BBX: variants seen among roughly 807,000 people sequenced by gnomAD.
BBX encodes the protein HMG box transcription factor BBX.
A neutral mutation model predicts 100.2 loss-of-function variants in BBX; 30 were observed. The ratio of observed to expected loss-of-function variants is 0.30; its 90% CI spans 0.22 to 0.41. BBX has a LOEUF of 0.41. Ranked by LOEUF, BBX falls within the 10% of genes least tolerant of loss-of-function variation. The pLI is 1.00. For synonymous variants in BBX, 376 were observed against 388.1 expected (o/e 0.97, Z 0.37); for missense variants, 1,023 against 1,129.8 (o/e 0.91, Z 1.35).
At chr3:107,681,267 C>G (rs986058503) in intron 3 of BBX, among the ~76,000 whole-genome samples, 1 of 152,042 alleles carries the variant, frequency 6.6e-6, no homozygotes, top group Non-Finnish European at 1.5e-5. Flanking sequence ...GTAGATGAGT[C>G]TTGTATGTTC....
chr3:107,550,755 G>A (rs931719011), intron 2 of BBX, among the ~76,000 whole-genome samples: 10 of 152,176 alleles, frequency 6.6e-5, no homozygotes, highest in African/African-American at 2.4e-4. Flanking sequence ...TGACATTGGA[G>A]CAGGGTATGG....
In BBX at chr3:107,807,995, T is replaced by C. The variant is rs1018605401; in HGVS notation, c.*2538T>C. On this transcript the variant is annotated 3_prime_UTR_variant, in exon 18 of 18. Transcript: ENST00000325805. ...CTGAGTAAAGTCTTGATTTCAATAATTGTGCTTCTCATGCCCTGAAACTGC... is the reference window on the plus strand; with the variant it reads ...CTGAGTAAAGTCTTGATTTCAATAACTGTGCTTCTCATGCCCTGAAACTGC... 1.3e-5 allele frequency: 2 copies of C among 152,222 alleles called. No homozygotes were observed. The highest frequency in any genetic ancestry group is 2.4e-5 in the African/African-American group (1 of 41,458). 9.4% of individuals were successfully genotyped at this position (152,222 alleles called of 1,614,324 possible).
Position 107,773,507 on chromosome 3 carries a change from G to C in BBX, c.1786G>C (p.Asp596His), listed in dbSNP as rs760157744. 6.2e-7 allele frequency: 1 copy of C among 1,614,122 alleles called. No homozygotes were observed. The highest frequency in any genetic ancestry group is 1.1e-5 in the South Asian group (1 of 91,078). The change falls in exon 11 of 18, where the codon GAC becomes CAC. Residue 596 changes from aspartate to histidine, a missense_variant. Coordinates refer to ENST00000325805, the MANE Select transcript of BBX (RefSeq NM_001142568.3). This position sits in a 1 kb window ranked among gnomAD's most constrained non-coding sequence, Gnocchi z 4.1. Reference sequence around the variant, plus strand: ...CCTATCAGGACAGGCCAAGCCTGAGGACAGTGACTGTCACAGAAAAATAGA... The same window carrying C: ...CCTATCAGGACAGGCCAAGCCTGAGCACAGTGACTGTCACAGAAAAATAGA... The part of the protein sequence containing the change: ...PSLSGQAKPE[D>H]SDCHRKIETC...
At chr3:107,725,030 C>G (rs1034733661) in intron 5 of BBX, among the ~76,000 whole-genome samples, 6 of 152,266 alleles carry the variant, frequency 3.9e-5, no homozygotes, top group South Asian at 2.1e-4. Context: ...TTGATTATTC[C>G]TACCCATGAG....
chr3:107,735,574 C>T (rs2063580775), intron 7 of BBX, among the ~76,000 whole-genome samples: 1 of 151,892 alleles, frequency 6.6e-6, no homozygotes, highest in Non-Finnish European at 1.5e-5. Flanking sequence ...AAAAAGTCCT[C>T]AAAAGACTAT....
intron 2 of BBX, among the ~76,000 whole-genome samples, chr3:107,589,569 A>G (rs1031573650): frequency 2.6e-5 from 4 of 152,180 alleles, no homozygotes; most frequent in Non-Finnish European, 5.9e-5. Context: ...ACATGATTGT[A>G]GTTGGCACTG....
At chr3:107,563,402 T>C (rs2107484303) in intron 2 of BBX, among the ~76,000 whole-genome samples, 1 of 152,342 alleles carries the variant, frequency 6.6e-6, no homozygotes, top group African/African-American at 2.4e-5. Context: ...TGCATTTCTT[T>C]TTATTAAACT....
intron 3 of BBX, among the ~76,000 whole-genome samples, chr3:107,676,956 T>C (rs976884423): frequency 6.6e-6 from 1 of 152,152 alleles, no homozygotes; most frequent in Non-Finnish European, 1.5e-5. Flanking sequence ...CATTCTTGAC[T>C]AGAGGGTATA....
At chr3:107,771,226 C>G (rs1392395405) in intron 10 of BBX, among the ~76,000 whole-genome samples, 1 of 152,080 alleles carries the variant, frequency 6.6e-6, no homozygotes, top group Non-Finnish European at 1.5e-5. Flanking sequence ...TGGGGGCTGG[C>G]ATTTTGGGAG....
At chr3:107,682,685 T>A (rs535146741) in intron 3 of BBX, among the ~76,000 whole-genome samples, 1 of 152,304 alleles carries the variant, frequency 6.6e-6, no homozygotes, top group South Asian at 2.1e-4. Context: ...TTTATTCCCA[T>A]GTATGTAGTC....
At chr3:107,565,835 C>A (rs1414481417) in intron 2 of BBX, among the ~76,000 whole-genome samples, 1 of 151,568 alleles carries the variant, frequency 6.6e-6, no homozygotes, top group African/African-American at 2.4e-5. Flanking sequence ...TAAGGAAGTT[C>A]TTTTCTTTTC....
chr3:107,554,768 T>G (rs913511866), intron 2 of BBX, among the ~76,000 whole-genome samples: 4 of 151,202 alleles, frequency 2.6e-5, no homozygotes, highest in Non-Finnish European at 4.4e-5. Context: ...CCAATGACAT[T>G]TTAAAAGATT....
chr3:107,625,287 A>T (rs1488727790), intron 2 of BBX, among the ~76,000 whole-genome samples: 2 of 151,352 alleles, frequency 1.3e-5, no homozygotes, highest in African/African-American at 4.9e-5. Context: ...TAATTTTATT[A>T]TTTTTTTTGG....
At position 107,728,819 on chromosome 3, in the gene BBX, A is replaced by G. The variant is rs761718761; in HGVS notation, c.460A>G (p.Asn154Asp). ...TGGCTACAAATGGTGTCCTACCACA[A>G]ACAAGCCTGTGAAATCCCCAACACC... Reference protein sequence around the residue: ...NPGYKWCPTTNKPVKSPTPTV... With the variant: ...NPGYKWCPTTDKPVKSPTPTV... The change falls in exon 6 of 18, where the codon AAC becomes GAC. Residue 154 changes from asparagine to aspartate, a missense_variant. Around this residue, in one of 9 missense-constraint regions of BBX, gnomAD observed 229 missense variants for 226.3 expected, o/e 1.01. Coordinates refer to ENST00000325805, the MANE Select transcript of BBX (RefSeq NM_001142568.3). The G allele has an allele frequency of 5.0e-6, 8 of 1,613,788 alleles. No individual in the cohort carries two copies. The Admixed American group carries it at 8.3e-5, about 17-fold the overall frequency.
chr3:107,762,545 A>G (rs1323691315), intron 10 of BBX, among the ~76,000 whole-genome samples: 1 of 152,222 alleles, frequency 6.6e-6, no homozygotes, highest in African/African-American at 2.4e-5. Context: ...CACATCCTGA[A>G]AAACACTGCT....
At chr3:107,660,990 A>G (rs167924) in intron 3 of BBX, among the ~76,000 whole-genome samples, 84,308 of 151,976 alleles carry the variant, frequency 0.55, 25,909 homozygotes, top group East Asian at 0.98. Context: ...TTATCTTTCC[A>G]GTCAGCTGAA....
chr3:107,625,312 C>CT (rs1267869506), intron 2 of BBX, among the ~76,000 whole-genome samples: 1 of 152,182 alleles, frequency 6.6e-6, no homozygotes, highest in Non-Finnish European at 1.5e-5. Flanking sequence ...GAGTCTCACT[C>CT]TGTCTCCCAG....
chr3:107,733,108 A>T, intron 7 of BBX, 85 bp downstream of exon 7: 2 of 1,178,648 alleles, frequency 1.7e-6, no homozygotes, highest in Non-Finnish European at 2.4e-6. Flanking sequence ...TTCATTCTGC[A>T]TTTTCACTGT....
chr3:107,557,350 C>T (rs115834024), intron 2 of BBX, among the ~76,000 whole-genome samples: 30 of 152,246 alleles, frequency 2.0e-4, no homozygotes, highest in Middle Eastern at 3.4e-3. Context: ...AATGATTAGA[C>T]ATCATAATGG....
Sources: gnomAD v4.1 joint callset for allele counts (sites outside exome capture counted in the v4.1 genomes callset) on GRCh38, gnomAD v4.1.1 for gene constraint, gnomAD v4.1.1 regional missense constraint, Gnocchi (gnomAD v3.1) non-coding constraint, MANE v1.5 for transcripts, NCBI Gene and HGNC (gene_info 2026-07-23, HGNC 2026-07-21) for gene names.